Variants in CFAP54 observed in about 807,000 individuals in gnomAD.
CFAP54 encodes cilia and flagella associated protein 54.
CFAP54 carries 290 observed loss-of-function variants against 370.4 expected under a neutral mutation model. The ratio of observed to expected loss-of-function variants is 0.78; its 90% CI spans 0.71 to 0.86. The LOEUF (loss-of-function observed/expected upper bound fraction) is 0.86. Ranked by LOEUF, CFAP54 falls within the 40% of genes least tolerant of loss-of-function variation. CFAP54 has a pLI of 0.00. For missense variants in CFAP54, 3,399 were observed against 3,528.7 expected, an observed-to-expected ratio of 0.96 and a Z score of 0.93; for synonymous variants, 1,206 against 1,236.5, an observed-to-expected ratio of 0.98 and a Z score of 0.52.
At chr12:96,865,552 G>A (rs1959980343) in intron 67 of CFAP54, among the ~76,000 whole-genome samples, 1 of 152,146 alleles carries the variant, frequency 6.6e-6, no homozygotes, top group African/African-American at 2.4e-5. Flanking sequence ...AAAGGAGGGA[G>A]GATGAAATCT....
intron 63 of CFAP54, among the ~76,000 whole-genome samples, chr12:96,794,855 C>T (rs1958742227): frequency 6.6e-6 from 1 of 152,084 alleles, no homozygotes; most frequent in Non-Finnish European, 1.5e-5. Context: ...GGTTTCTTCT[C>T]ATTTGGGTAG....
intron 22 of CFAP54, among the ~76,000 whole-genome samples, chr12:96,588,589 C>T (rs559352588): frequency 6.4e-4 from 97 of 152,240 alleles, no homozygotes; most frequent in African/African-American, 2.2e-3. Flanking sequence ...GAGTTCTGGC[C>T]CTCTAAGTTA....
At chr12:96,806,021 C>T (rs923958163) in intron 63 of CFAP54, among the ~76,000 whole-genome samples, 17 of 149,908 alleles carry the variant, frequency 1.1e-4, no homozygotes, top group African/African-American at 4.2e-4. Context: ...TGGACATGCA[C>T]AGTGGAATAA....
chr12:96,506,416 T>A (rs1287047219), intron 3 of CFAP54, among the ~76,000 whole-genome samples: 1 of 151,252 alleles, frequency 6.6e-6, no homozygotes, highest in Non-Finnish European at 1.5e-5. Context: ...TTCTTGTGAC[T>A]AAGGAAAGCT....
rs1368363446 is a variant in CFAP54 at position 96,844,559 on chromosome 12, G to A, written c.9171+15471G>A. ...ATTCATGTTGTAAGCCACTAAATTTGTGGTAAATTTGTTACAGCAGCAGTA... is the reference window on the plus strand; with the variant it reads ...ATTCATGTTGTAAGCCACTAAATTTATGGTAAATTTGTTACAGCAGCAGTA... On this transcript the variant is annotated intron_variant, in intron 66 of 67. Transcript: ENST00000524981. Among the ~76,000 whole-genome samples the A allele has an allele frequency of 3.3e-5, 5 of 152,184 alleles. No homozygotes were observed. In the South Asian group the frequency reaches 1.0e-3, roughly 32 times the overall value.
At chr12:96,641,208 A>G (rs1956723857) in intron 32 of CFAP54, among the ~76,000 whole-genome samples, 1 of 152,224 alleles carries the variant, frequency 6.6e-6, no homozygotes, top group African/African-American at 2.4e-5. Context: ...CAGAATCTAC[A>G]ATGAACTCAA....
intron 32 of CFAP54, among the ~76,000 whole-genome samples, chr12:96,638,445 C>T (rs1264923418): frequency 1.3e-5 from 2 of 151,490 alleles, no homozygotes; most frequent in East Asian, 3.9e-4. Flanking sequence ...GCTATGTTGC[C>T]CAGGCTGGTC....
intron 66 of CFAP54, among the ~76,000 whole-genome samples, chr12:96,834,460 C>T (rs1959179824): frequency 6.6e-6 from 1 of 152,356 alleles, no homozygotes; most frequent in Non-Finnish European, 1.5e-5. Context: ...ATTGTGTGAG[C>T]AAGCATGGGG....
At chr12:96,861,288 C>T (rs1959873936) in intron 67 of CFAP54, among the ~76,000 whole-genome samples, 1 of 152,090 alleles carries the variant, frequency 6.6e-6, no homozygotes, top group Non-Finnish European at 1.5e-5. Flanking sequence ...GTGATTTTGT[C>T]CATTAGGTGA....
At chr12:96,611,101 C>T (rs1000567215) in intron 26 of CFAP54, among the ~76,000 whole-genome samples, 1 of 152,184 alleles carries the variant, frequency 6.6e-6, no homozygotes, top group Non-Finnish European at 1.5e-5. Flanking sequence ...CAAGTGGGTC[C>T]GTGACCCCTG....
intron 22 of CFAP54, among the ~76,000 whole-genome samples, chr12:96,582,643 C>T (rs1268279808): frequency 6.6e-6 from 1 of 151,956 alleles, no homozygotes; most frequent in Non-Finnish European, 1.5e-5. Context: ...TTCATCAAGG[C>T]CTAATTTTTC....
rs144124602 is a variant in CFAP54 at position 96,680,459 on chromosome 12, C to T, written c.5716+707C>T. ...TTTTATATTTATGATTCTTGCTATT[C>T]AAATTGGTCAGAATAATAAGAATAA... is the stretch of plus-strand genomic sequence containing the variant. On this transcript the variant is annotated intron_variant, in intron 40 of 67. Transcript: ENST00000524981. Among the ~76,000 whole-genome samples the T allele has an allele frequency of 6.4e-4, 98 of 151,984 alleles. 1 individual carries two copies. The highest frequency in any genetic ancestry group is 2.3e-3 in the African/African-American group (94 of 41,484).
At chr12:96,563,648 G>A (rs1353390311) in intron 17 of CFAP54, among the ~76,000 whole-genome samples, 1 of 152,178 alleles carries the variant, frequency 6.6e-6, no homozygotes, top group African/African-American at 2.4e-5. Context: ...AATGGTGTAT[G>A]TTAACATCTT....
At chr12:96,627,419 C>T (rs1057314849) in intron 30 of CFAP54, among the ~76,000 whole-genome samples, 1 of 152,170 alleles carries the variant, frequency 6.6e-6, no homozygotes, top group Non-Finnish European at 1.5e-5. Context: ...TCTCTTTGCT[C>T]CCAAATAAAA....
At chr12:96,609,677 G>A (rs868097860) in intron 26 of CFAP54, among the ~76,000 whole-genome samples, 4 of 152,148 alleles carry the variant, frequency 2.6e-5, no homozygotes, top group Middle Eastern at 6.8e-3. Context: ...TGACGATCTG[G>A]TAAAAAAATT....
chr12:96,627,319 A>G (rs1956558677), intron 30 of CFAP54, among the ~76,000 whole-genome samples: 1 of 152,214 alleles, frequency 6.6e-6, no homozygotes, highest in Non-Finnish European at 1.5e-5. Flanking sequence ...CATTTCTTGA[A>G]GTTTCCATTT....
chr12:96,738,217 A>G (rs983081659), intron 50 of CFAP54, among the ~76,000 whole-genome samples: 4 of 152,112 alleles, frequency 2.6e-5, no homozygotes, highest in Non-Finnish European at 4.4e-5. Context: ...AGCCATGGCA[A>G]CTTCTGGGTT....
chr12:96,813,530 C>T (rs562439905), intron 64 of CFAP54, among the ~76,000 whole-genome samples: 1 of 152,294 alleles, frequency 6.6e-6, no homozygotes, highest in Non-Finnish European at 1.5e-5. Flanking sequence ...GTTAAGTTCT[C>T]ATAAGAAAAA....
At chr12:96,815,580 T>C (rs1565988288) in intron 64 of CFAP54, among the ~76,000 whole-genome samples, 1 of 152,242 alleles carries the variant, frequency 6.6e-6, no homozygotes, top group Non-Finnish European at 1.5e-5. Context: ...ATTCCATTTA[T>C]CAACTTTGGC....
Sources: gnomAD v4.1 joint callset for allele counts (sites outside exome capture counted in the v4.1 genomes callset) on GRCh38, gnomAD v4.1.1 for gene constraint, MANE v1.5 for transcripts, NCBI Gene and HGNC (gene_info 2026-07-23, HGNC 2026-07-21) for gene names.